Variants in TMEM132C observed in about 807,000 individuals in gnomAD.
TMEM132C encodes the protein transmembrane protein 132C.
In TMEM132C, 29 loss-of-function variants were observed where a neutral mutation model predicts 61.4. The observed-to-expected ratio is 0.47, with a 90% CI of 0.35 to 0.64. The LOEUF is 0.64. TMEM132C is among the 30% of genes least tolerant of loss of function. The pLI is 0.00. For synonymous variants in TMEM132C, 656 were observed against 633.1 expected, an observed-to-expected ratio of 1.04 and a Z score of -0.54; for missense variants, 1,408 against 1,476.9, an observed-to-expected ratio of 0.95 and a Z score of 0.76.
chr12:128,487,192 G>A (rs565936073), intron 2 of TMEM132C, among the ~76,000 whole-genome samples: 2 of 152,112 alleles, frequency 1.3e-5, no homozygotes, highest in Non-Finnish European at 2.9e-5. Context: ...AGAGTGCCCC[G>A]CCGGTGTCTG....
At chr12:128,385,861 C>T (rs1347107309) in intron 1 of TMEM132C, among the ~76,000 whole-genome samples, 4 of 152,158 alleles carry the variant, frequency 2.6e-5, no homozygotes, top group African/African-American at 4.8e-5. Flanking sequence ...ACACCAGTGA[C>T]GTGGGTGCTG....
At chr12:128,285,544 G>A (rs1224292412) in intron 1 of TMEM132C, among the ~76,000 whole-genome samples, 1 of 152,148 alleles carries the variant, frequency 6.6e-6, no homozygotes, top group South Asian at 2.1e-4. Flanking sequence ...TTTACAGACA[G>A]GCAAGCCAAG....
intron 1 of TMEM132C, among the ~76,000 whole-genome samples, chr12:128,405,935 G>C (rs183815791): frequency 5.9e-5 from 9 of 152,336 alleles, no homozygotes; most frequent in African/African-American, 1.9e-4. Flanking sequence ...ACAGGTGCTA[G>C]TGCATTATTT....
intron 2 of TMEM132C, among the ~76,000 whole-genome samples, chr12:128,451,592 A>G (rs534190599): frequency 6.6e-6 from 1 of 152,242 alleles, no homozygotes; most frequent in Non-Finnish European, 1.5e-5. Context: ...TAAATACACC[A>G]TCAAAAATGT....
chr12:128,479,541 G>A (rs1871258000), intron 2 of TMEM132C, among the ~76,000 whole-genome samples: 1 of 152,198 alleles, frequency 6.6e-6, no homozygotes, highest in African/African-American at 2.4e-5. Context: ...AGGGTCCATT[G>A]ATAAAGTTTT....
intron 1 of TMEM132C, among the ~76,000 whole-genome samples, chr12:128,293,439 A>C (rs1871310993): frequency 6.6e-6 from 1 of 152,018 alleles, no homozygotes; most frequent in Non-Finnish European, 1.5e-5. Context: ...GGGAGGCCAG[A>C]AAACTTGTAT....
At chr12:128,430,293 A>C (rs1377534100) in intron 2 of TMEM132C, among the ~76,000 whole-genome samples, 1 of 152,216 alleles carries the variant, frequency 6.6e-6, no homozygotes, top group Non-Finnish European at 1.5e-5. Context: ...TGGATACCAT[A>C]GCACAAATGA....
intron 3 of TMEM132C, among the ~76,000 whole-genome samples, chr12:128,597,181 A>G (rs1326546700): frequency 6.6e-5 from 10 of 152,182 alleles, no homozygotes; most frequent in Admixed American, 6.5e-4. Context: ...TGCTGTCCCC[A>G]AAGAAAATTA....
chr12:128,390,997 C>T (rs1286635561), intron 1 of TMEM132C, among the ~76,000 whole-genome samples: 1 of 152,190 alleles, frequency 6.6e-6, no homozygotes, highest in Non-Finnish European at 1.5e-5. Flanking sequence ...ATTTTATCAG[C>T]TTCCAGTGAG....
rs374217376 is a variant in TMEM132C at position 128,414,963 on chromosome 12, A to G, written c.317A>G (p.Lys106Arg). 1.5e-5 allele frequency: 24 copies of G among 1,551,912 alleles called. No individual in the cohort carries two copies. The highest frequency in any genetic ancestry group is 2.1e-5 in the Non-Finnish European group (24 of 1,147,066). The change falls in exon 2 of 9, where the codon AAG becomes AGG. Residue 106 changes from lysine (K) to arginine (R), a missense_variant. Coordinates refer to ENST00000435159, the MANE Select transcript of TMEM132C (RefSeq NM_001136103.3). Reference protein sequence around the residue: ...NASYGPFSVEKVVPLDLMLTS... With the variant: ...NASYGPFSVERVVPLDLMLTS... ...AGCTATGGACCCTTTTCTGTGGAGA[A>G]GGTTGTGCCTCTGGACTTGATGTTG...
chr12:128,701,905 T>C (rs146272104), intron 8 of TMEM132C, among the ~76,000 whole-genome samples: 16,183 of 147,422 alleles, frequency 0.11, 1,195 homozygotes, highest in East Asian at 0.34. Context: ...TCTTCTTTTT[T>C]TTTTTTTTTT....
intron 2 of TMEM132C, among the ~76,000 whole-genome samples, chr12:128,447,237 G>A (rs572703763): frequency 6.6e-6 from 1 of 152,172 alleles, no homozygotes; most frequent in Admixed American, 6.5e-5. Context: ...AAGCATGATT[G>A]GCTGAGTTTG....
At chr12:128,601,448 A>G (rs750372980) in intron 3 of TMEM132C, among the ~76,000 whole-genome samples, 14 of 152,228 alleles carry the variant, frequency 9.2e-5, no homozygotes, top group Non-Finnish European at 1.9e-4. Flanking sequence ...CCTTGCTGCC[A>G]TGGGACTCAT....
chr12:128,312,654 CCAT>C (rs1435639767), intron 1 of TMEM132C, among the ~76,000 whole-genome samples: 4 of 152,188 alleles, frequency 2.6e-5, no homozygotes, highest in Admixed American at 6.5e-5. Context: ...TTTCCAACAG[CCAT>C]CAGGAACTGG....
intron 2 of TMEM132C, among the ~76,000 whole-genome samples, chr12:128,471,289 C>T (rs574285382): frequency 2.0e-3 from 309 of 152,280 alleles, no homozygotes; most frequent in Non-Finnish European, 2.7e-3. Context: ...TTTAAATTCT[C>T]GCCATTGTTT....
intron 5 of TMEM132C, among the ~76,000 whole-genome samples, chr12:128,674,193 A>T (rs977783127): frequency 2.6e-5 from 4 of 152,202 alleles, no homozygotes; most frequent in African/African-American, 9.6e-5. Flanking sequence ...GGCATTTCCC[A>T]TGAATGGCAT....
In TMEM132C at chr12:128,354,779, G is replaced by C. The variant is rs558577358; in HGVS notation, c.86-59953G>C. On this transcript the variant is annotated intron_variant, in intron 1 of 8. Transcript: ENST00000435159. ...ACACTGAGACCGGAGCTATAGGCTT[G>C]AGGAAGAGGTGAGCCATTCATACAA... Among the ~76,000 whole-genome samples the C allele has an allele frequency of 3.9e-5, 6 of 152,344 alleles. No homozygotes were observed. The South Asian group carries it at 1.2e-3, about 32-fold the overall frequency.
At chr12:128,621,903 C>T (rs1953966622) in intron 4 of TMEM132C, among the ~76,000 whole-genome samples, 1 of 152,190 alleles carries the variant, frequency 6.6e-6, no homozygotes, top group African/African-American at 2.4e-5. Flanking sequence ...AGCTCTATGG[C>T]TCAGCCTTTA....
At chr12:128,603,986 G>A (rs1336446162) in intron 3 of TMEM132C, among the ~76,000 whole-genome samples, 1 of 152,206 alleles carries the variant, frequency 6.6e-6, no homozygotes, top group Non-Finnish European at 1.5e-5. Flanking sequence ...ATGGAATGGG[G>A]AAGTGTAGAG....
Sources: allele counts gnomAD v4.1 joint callset (sites outside exome capture counted in the v4.1 genomes callset), GRCh38; gene constraint gnomAD v4.1.1; transcripts MANE v1.5; gene names NCBI Gene and HGNC (gene_info 2026-07-23, HGNC 2026-07-21).